BACE2: variants seen among roughly 807,000 people sequenced by gnomAD.
The protein encoded by BACE2 is 56 kDa aspartic-like protease.
A neutral mutation model predicts 46.2 loss-of-function variants in BACE2; 17 were observed. The observed-to-expected ratio is 0.37, with a 90% CI of 0.25 to 0.55. BACE2 has a LOEUF of 0.55. Among genes scored for constraint, BACE2 ranks in the 20% least tolerant of loss-of-function variants. The pLI is 0.82. For missense variants in BACE2, 595 were observed against 698.1 expected (o/e 0.85, Z 1.66); for synonymous variants, 277 against 295.9 (o/e 0.94, Z 0.66).
rs570989842 is a variant in BACE2, at chr21:41,281,440, T to C, written c.*5816T>C. 5 of 152,184 alleles carry C rather than the reference T, an allele frequency of 3.3e-5. No homozygotes were observed. The highest frequency in any genetic ancestry group is 4.8e-5 in the African/African-American group (2 of 41,448). The allele number at this position is 152,184 out of a possible 1,614,324, so 9.4% of individuals were successfully genotyped here. The stretch of plus-strand genomic sequence containing the variant: ...TCATTTGGGTTGGAATAAAAATGCA[T>C]TTTTATTCACAAGGCACAGACAGAT... On this transcript the variant is annotated 3_prime_UTR_variant, in exon 9 of 9. Coordinates refer to ENST00000330333, the MANE Select transcript of BACE2 (RefSeq NM_012105.5).
chr21:41,220,409 C>A (rs2123562890), intron 1 of BACE2, among the ~76,000 whole-genome samples: 1 of 152,326 alleles, frequency 6.6e-6, no homozygotes, highest in African/African-American at 2.4e-5. Flanking sequence ...GTCCTCTAAT[C>A]CCGCCTTGCT....
intron 2 of BACE2, among the ~76,000 whole-genome samples, chr21:41,229,332 C>G (rs1315918825): frequency 6.6e-6 from 1 of 152,224 alleles, no homozygotes; most frequent in East Asian, 1.9e-4. Context: ...CTCTCATCAT[C>G]TGTAGATGCA....
At chr21:41,231,231 C>T (rs1332658997) in intron 2 of BACE2, among the ~76,000 whole-genome samples, 4 of 152,152 alleles carry the variant, frequency 2.6e-5, no homozygotes, top group East Asian at 1.9e-4. Context: ...GAGCATTTAA[C>T]GTTATTGAGG....
intron 1 of BACE2, among the ~76,000 whole-genome samples, chr21:41,197,884 G>T (rs905658969): frequency 3.5e-4 from 53 of 152,158 alleles, no homozygotes; most frequent in Non-Finnish European, 1.5e-4. Flanking sequence ...GTACTAAGCT[G>T]CCTCTTGTGT....
Position 41,257,244 on chromosome 21 carries a change from C to T in BACE2, c.1221C>T (p.Ile407=), listed in dbSNP as rs749978923. ...GISPSTNALV[I]GATVMEGFYV... Reference sequence around the variant, plus strand: ...CCCCATCCACAAATGCGCTGGTGATCGGTGCCACGGTGATGGAGGGCTTCT... The same window carrying T: ...CCCCATCCACAAATGCGCTGGTGATTGGTGCCACGGTGATGGAGGGCTTCT... Residue 407 remains isoleucine (I), a synonymous_variant, in exon 8 of 9, where the codon ATC becomes ATT. Coordinates refer to ENST00000330333, the MANE Select transcript of BACE2 (RefSeq NM_012105.5). The T allele has an allele frequency of 9.3e-6, 15 of 1,614,044 alleles. No homozygotes were observed. The highest frequency in any genetic ancestry group is 5.3e-5 in the African/African-American group (4 of 74,914).
chr21:41,242,097 A>G lies in BACE2; in HGVS notation c.747+150A>G, dbSNP rs185999069. 1.4e-4 allele frequency: 140 copies of G among 1,035,334 alleles called. 1 individual carries two copies. In the African/African-American group the frequency reaches 1.7e-3, roughly 12 times the overall value. 64.1% of individuals were successfully genotyped at this position (1,035,334 alleles called of 1,614,324 possible). Reference sequence around the variant, plus strand: ...CATCCTCCTTGTAGTAGATCTTTTTAGAAATGGCTAAAATTAGGCAATCCT... The same window carrying G: ...CATCCTCCTTGTAGTAGATCTTTTTGGAAATGGCTAAAATTAGGCAATCCT... On this transcript the variant is annotated intron_variant, in intron 4 of 8. Transcript: ENST00000330333.
At chr21:41,195,554 G>A (rs1379722448) in intron 1 of BACE2, among the ~76,000 whole-genome samples, 9 of 152,144 alleles carry the variant, frequency 5.9e-5, no homozygotes, top group South Asian at 2.1e-4. Context: ...TGAACCAACC[G>A]TGCAGTCAAA....
chr21:41,173,384 G>A (rs1286522055), intron 1 of BACE2, among the ~76,000 whole-genome samples: 1 of 152,236 alleles, frequency 6.6e-6, no homozygotes, highest in Non-Finnish European at 1.5e-5. Flanking sequence ...GAAGAGAGGA[G>A]TGTTTCTGCT....
rs770541014 is a variant in BACE2, at chr21:41,226,324, C to G, written c.371C>G (p.Ser124Cys). 1 of 1,614,108 alleles carries G rather than the reference C, an allele frequency of 6.2e-7. No homozygotes were observed. The highest frequency in any genetic ancestry group is 8.5e-7 in the Non-Finnish European group (1 of 1,180,020). ...SNFAVAGTPH[S>C]YIDTYFDTER... ...TTTGCCGTGGCAGGAACCCCGCACT[C>G]CTACATAGACACGTACTTTGACACA... is the stretch of plus-strand genomic sequence containing the variant. Residue 124 changes from serine (S) to cysteine (C), a missense_variant, in exon 2 of 9, where the codon TCC becomes TGC. Transcript: ENST00000330333.
intron 8 of BACE2, among the ~76,000 whole-genome samples, chr21:41,272,634 G>T (rs761001803): frequency 4.6e-5 from 7 of 151,746 alleles, no homozygotes; most frequent in Non-Finnish European, 1.0e-4. Flanking sequence ...CTAAAAATTT[G>T]ATTTAGATCT....
intron 5 of BACE2, among the ~76,000 whole-genome samples, chr21:41,245,314 G>T (rs1987433845): frequency 6.6e-6 from 1 of 152,238 alleles, no homozygotes; most frequent in African/African-American, 2.4e-5. Flanking sequence ...CCATCCCTGG[G>T]TAGACTTGCC....
intron 1 of BACE2, among the ~76,000 whole-genome samples, chr21:41,225,955 T>C (rs1986805761): frequency 6.6e-6 from 1 of 152,108 alleles, no homozygotes; most frequent in Non-Finnish European, 1.5e-5. Flanking sequence ...AAGAAAGAGC[T>C]CAGCCTTGGT....
chr21:41,275,787 T>C lies in BACE2; in HGVS notation c.*163T>C. 2.4e-6 allele frequency: 2 copies of C among 845,458 alleles called. No homozygotes were observed. Among genetic ancestry groups the C allele is most frequent in the Non-Finnish European group, 3.5e-6 (2 of 569,740 alleles). The allele number at this position is 845,458 out of a possible 1,614,324, so 52.4% of individuals were successfully genotyped here. ...TCTAGATTCACTGTCTTTTGATTCT[T>C]GATTTTCAAGCTTTCAAATCCTCCC... On this transcript the variant is annotated 3_prime_UTR_variant, in exon 9 of 9. Transcript: ENST00000330333.
chr21:41,257,931 A>C (rs946754580), intron 8 of BACE2, among the ~76,000 whole-genome samples: 2 of 152,216 alleles, frequency 1.3e-5, no homozygotes, highest in Non-Finnish European at 2.9e-5. Flanking sequence ...AAATGTCTTC[A>C]GACTTCACGG....
At chr21:41,195,021 A>G (rs1985690305) in intron 1 of BACE2, among the ~76,000 whole-genome samples, 1 of 152,254 alleles carries the variant, frequency 6.6e-6, no homozygotes, top group African/African-American at 2.4e-5. Flanking sequence ...CACCATGAGA[A>G]GAGCACCAAA....
At chr21:41,247,088 TG>T (rs1414067228) in intron 6 of BACE2, among the ~76,000 whole-genome samples, 1 of 152,160 alleles carries the variant, frequency 6.6e-6, no homozygotes, top group East Asian at 1.9e-4. Context: ...GGCGTGGGGC[TG>T]ATTGTCCCGC....
chr21:41,270,017 T>A (rs1191824012), intron 8 of BACE2, among the ~76,000 whole-genome samples: 1 of 152,212 alleles, frequency 6.6e-6, no homozygotes, highest in Non-Finnish European at 1.5e-5. Context: ...ATGGTCAGTA[T>A]TTTCATTTTA....
At chr21:41,245,892 G>A (rs941524484) in intron 5 of BACE2, 70 bp from the exon 6 acceptor site, 21 of 1,211,174 alleles carry the variant, frequency 1.7e-5, no homozygotes, top group Admixed American at 8.4e-5. Context: ...TGGTGATGGC[G>A]GCTAGAGCCA....
chr21:41,264,791 A>T (rs867773682), intron 8 of BACE2, among the ~76,000 whole-genome samples: 3 of 152,118 alleles, frequency 2.0e-5, no homozygotes, highest in South Asian at 2.1e-4. Context: ...GTGCCAAACC[A>T]TATCAACAAC....
Sources: allele counts gnomAD v4.1 joint callset (sites outside exome capture counted in the v4.1 genomes callset), GRCh38; gene constraint gnomAD v4.1.1; transcripts MANE v1.5; gene names NCBI Gene and HGNC (gene_info 2026-07-23, HGNC 2026-07-21).